Variants in AQR observed in about 807,000 individuals in gnomAD.
The protein encoded by AQR is RNA helicase aquarius.
In AQR, 61 loss-of-function variants were observed where a neutral mutation model predicts 180.5. The observed-to-expected ratio is 0.34, with a 90% confidence interval of 0.28 to 0.42. AQR has a LOEUF of 0.42. Ranked by LOEUF, AQR falls within the 10% of genes least tolerant of loss-of-function variation. The pLI, the probability that AQR is intolerant of heterozygous loss-of-function variation, is 1.00. For synonymous variants in AQR, 551 were observed against 588.8 expected (o/e 0.94, Z 0.93); for missense variants, 1,281 against 1,798.3 (o/e 0.71, Z 5.20).
intron 1 of AQR, 152 bp downstream of exon 1, chr15:34,969,387 G>T: frequency 2.4e-6 from 2 of 840,710 alleles, no homozygotes; most frequent in South Asian, 1.5e-5. Context: ...TGGCCGGCAC[G>T]GAGCTGATAC....
intron 3 of AQR, among the ~76,000 whole-genome samples, chr15:34,954,845 C>A (rs962807317): frequency 4.6e-5 from 7 of 151,486 alleles, no homozygotes; most frequent in Non-Finnish European, 5.9e-5. Context: ...TATGGAAGGC[C>A]GGGCATGGTG....
At chr15:34,869,488 A>G (rs1892784235) in intron 31 of AQR, 1 of 152,156 alleles carries the variant, frequency 6.6e-6, no homozygotes, top group Non-Finnish European at 1.5e-5. Context: ...TCACATGCTG[A>G]CATTAGCAGG....
intron 3 of AQR, among the ~76,000 whole-genome samples, chr15:34,960,226 C>T (rs1456824123): frequency 6.6e-6 from 1 of 152,050 alleles, no homozygotes; most frequent in African/African-American, 2.4e-5. Context: ...ATGTAGAGTA[C>T]AAACCCTTTT....
chr15:34,885,602 T>C (rs955337923), intron 25 of AQR, among the ~76,000 whole-genome samples: 7 of 152,162 alleles, frequency 4.6e-5, no homozygotes, highest in African/African-American at 1.7e-4. Context: ...ACCTTCTTAA[T>C]TTATAGGTTA....
At chr15:34,911,030 T>C (rs1340862011) in intron 16 of AQR, among the ~76,000 whole-genome samples, 1 of 152,172 alleles carries the variant, frequency 6.6e-6, no homozygotes, top group African/African-American at 2.4e-5. Flanking sequence ...AGATAATCAG[T>C]TTTTGTCTAT....
At chr15:34,909,893 T>C (rs1203111825) in intron 17 of AQR, among the ~76,000 whole-genome samples, 1 of 152,234 alleles carries the variant, frequency 6.6e-6, no homozygotes, top group Non-Finnish European at 1.5e-5. Flanking sequence ...AAAACGTTGA[T>C]ATGTATGCAA....
chr15:34,899,431 T>C (rs1208164601), intron 20 of AQR, among the ~76,000 whole-genome samples: 1 of 151,994 alleles, frequency 6.6e-6, no homozygotes, highest in Non-Finnish European at 1.5e-5. Context: ...CAGGCTAGAG[T>C]GCAGTGGTGT....
intron 6 of AQR, chr15:34,943,331 T>G: frequency 6.6e-7 from 1 of 1,506,920 alleles, no homozygotes; most frequent in Non-Finnish European, 9.2e-7. Context: ...TGCTGGCTAT[T>G]AAAAGATGCA....
chr15:34,921,431 C>G (rs966858994), intron 13 of AQR, among the ~76,000 whole-genome samples: 1 of 116,174 alleles, frequency 8.6e-6, no homozygotes, highest in African/African-American at 3.7e-5. Context: ...GAGACTCCAT[C>G]TCAAAAAAAA....
At chr15:34,930,487 G>C in intron 11 of AQR, 116 bp from the exon 12 acceptor site, 1 of 570,426 alleles carries the variant, frequency 1.8e-6, no homozygotes, top group Admixed American at 2.9e-5. Flanking sequence ...AAAAAACTCA[G>C]GAATGTAAAC....
intron 4 of AQR, among the ~76,000 whole-genome samples, chr15:34,949,219 C>T (rs1179081276): frequency 6.6e-6 from 1 of 151,792 alleles, no homozygotes; most frequent in Non-Finnish European, 1.5e-5. Context: ...GTCTTGAACT[C>T]CCAACCTCAG....
intron 25 of AQR, among the ~76,000 whole-genome samples, chr15:34,885,593 CCTT>C (rs1408214995): frequency 6.6e-6 from 1 of 152,150 alleles, no homozygotes; most frequent in African/African-American, 2.4e-5. Flanking sequence ...ATTACATAAA[CCTT>C]CTTAATTTAT....
intron 23 of AQR, among the ~76,000 whole-genome samples, chr15:34,891,201 C>A (rs1893141914): frequency 6.6e-6 from 1 of 152,106 alleles, no homozygotes; most frequent in African/African-American, 2.4e-5. Flanking sequence ...CCCCCACTAT[C>A]CAAACTCTTG....
intron 1 of AQR, among the ~76,000 whole-genome samples, chr15:34,967,799 C>G (rs945774266): frequency 6.6e-6 from 1 of 151,888 alleles, no homozygotes; most frequent in Non-Finnish European, 1.5e-5. Flanking sequence ...AATTAGAATT[C>G]TTTAAAGATT....
chr15:34,874,821 A>G lies in AQR; in HGVS notation c.3281T>C (p.Ile1094Thr). The change falls in exon 29 of 35, where the codon ATT (isoleucine) becomes ACT (threonine). Residue 1094 changes from isoleucine to threonine, a missense_variant. Ile to Thr is a moderately conservative substitution (Grantham distance 89). Around this residue, in one of 9 missense-constraint regions of AQR, gnomAD observed 197 missense variants for 320.7 expected, o/e 0.61. Transcript: ENST00000156471. ...TGGAGGTAACTGGTGATGATCGCCA[A>G]TCATAATCCATCGTTTTAGTCGGCT... is the stretch of plus-strand genomic sequence containing the variant. ...GFSRLKRWIM[I>T]GDHHQLPPVI... 1 of 1,613,836 alleles carries G rather than the reference A, an allele frequency of 6.2e-7. No homozygotes were observed. The highest frequency in any genetic ancestry group is 8.5e-7 in the Non-Finnish European group (1 of 1,179,812).
At chr15:34,943,340 C>A in intron 6 of AQR, 1 of 1,494,706 alleles carries the variant, frequency 6.7e-7, no homozygotes, top group Non-Finnish European at 9.3e-7. Flanking sequence ...TTAAAAGATG[C>A]AAGCATTTTG....
At chr15:34,931,845 G>A (rs1893868178) in intron 11 of AQR, among the ~76,000 whole-genome samples, 2 of 152,186 alleles carry the variant, frequency 1.3e-5, no homozygotes, top group Admixed American at 6.5e-5. Flanking sequence ...CAAAAGAAAT[G>A]CTTTCTTCTG....
intron 27 of AQR, among the ~76,000 whole-genome samples, chr15:34,879,281 T>TAA (rs1892933395): frequency 1.3e-5 from 2 of 152,204 alleles, no homozygotes; most frequent in South Asian, 4.1e-4. Context: ...CCTTTGCTTC[T>TAA]AAGATAATAA....
intron 1 of AQR, among the ~76,000 whole-genome samples, chr15:34,969,053 T>A (rs1224758956): frequency 6.6e-6 from 1 of 152,172 alleles, no homozygotes; most frequent in Non-Finnish European, 1.5e-5. Flanking sequence ...ACTACAGAAT[T>A]ACTCTGTTTT....
Sources: gnomAD v4.1 joint callset for allele counts (sites outside exome capture counted in the v4.1 genomes callset) on GRCh38, gnomAD v4.1.1 for gene constraint, gnomAD v4.1.1 regional missense constraint, MANE v1.5 for transcripts, NCBI Gene and HGNC (gene_info 2026-07-23, HGNC 2026-07-21) for gene names.